The following SCN11A variants were observed in gnomAD, a reference collection of about 807,000 sequenced individuals.
SCN11A encodes sodium voltage-gated channel alpha subunit 11, also known as sodium channel protein type 11 subunit alpha.
A neutral mutation model predicts 162.2 loss-of-function variants in SCN11A; 122 were observed. That is an observed-to-expected ratio of 0.75 (90% CI 0.65 to 0.87). The LOEUF is 0.87. Among genes scored for constraint, SCN11A ranks in the 40% least tolerant of loss-of-function variants. The pLI is 0.00. For missense variants in SCN11A, 2,015 were observed against 2,181.6 expected (o/e 0.92, Z 1.52); for synonymous variants, 758 against 751.5 (o/e 1.01, Z -0.14).
At chr3:38,961,319 T>C (rs1047216185) in intron 2 of SCN11A, among the ~76,000 whole-genome samples, 2 of 152,200 alleles carry the variant, frequency 1.3e-5, no homozygotes, top group African/African-American at 2.4e-5. Flanking sequence ...AAGAAGCAAA[T>C]GTGATAATAG....
At chr3:38,985,910 T>C (rs577148707) in intron 2 of SCN11A, among the ~76,000 whole-genome samples, 1 of 150,986 alleles carries the variant, frequency 6.6e-6, no homozygotes, top group Non-Finnish European at 1.5e-5. Flanking sequence ...TGTTAGCTAG[T>C]TGGTCTTGGT....
intron 7 of SCN11A, among the ~76,000 whole-genome samples, chr3:38,940,505 G>C (rs2066425106): frequency 6.6e-6 from 1 of 152,172 alleles, no homozygotes; most frequent in Non-Finnish European, 1.5e-5. Flanking sequence ...GAAGAGAAAA[G>C]AAAGTCCAGA....
At chr3:38,933,595 G>A (rs1208132571) in intron 7 of SCN11A, among the ~76,000 whole-genome samples, 3 of 152,220 alleles carry the variant, frequency 2.0e-5, no homozygotes, top group Admixed American at 2.0e-4. Context: ...CTCAGGAGCT[G>A]ATGTGATCAA....
At chr3:38,865,787 G>T (rs2065029984) in intron 27 of SCN11A, among the ~76,000 whole-genome samples, 2 of 152,112 alleles carry the variant, frequency 1.3e-5, no homozygotes, top group South Asian at 4.1e-4. Flanking sequence ...TCTTAAAGGA[G>T]AAATACTTGT....
At chr3:38,969,328 T>C (rs2066802888) in intron 2 of SCN11A, among the ~76,000 whole-genome samples, 1 of 152,212 alleles carries the variant, frequency 6.6e-6, no homozygotes, top group Non-Finnish European at 1.5e-5. Flanking sequence ...TTCTTCTTGG[T>C]TTACCCTTAC....
chr3:38,894,559 T>C lies in SCN11A; in HGVS notation c.2809A>G (p.Ile937Val). 2 of 1,611,320 alleles carry C rather than the reference T, an allele frequency of 1.2e-6. No homozygotes were observed. Among genetic ancestry groups the C allele is most frequent in the Non-Finnish European group, 1.7e-6 (2 of 1,178,658 alleles). The change falls in exon 19 of 30, where the codon ATC becomes GTC. Residue 937 changes from isoleucine to valine, a missense_variant. Coordinates refer to ENST00000302328, the MANE Select transcript of SCN11A (RefSeq NM_001349253.2). ...TGTTGTTCAGGCTCAGGTTGTGTGA[T>C]GCGCTGTGCATTATCTTCACCAGAA... ...EFSGEDNAQR[I>V]TQPEPEQQAY...
intron 2 of SCN11A, among the ~76,000 whole-genome samples, chr3:38,965,333 T>C (rs1396208530): frequency 6.6e-6 from 1 of 152,252 alleles, no homozygotes; most frequent in East Asian, 1.9e-4. Context: ...CTCCTCAATC[T>C]TGTATGTCTG....
At chr3:38,858,220 A>G (rs1337194381) in intron 28 of SCN11A, among the ~76,000 whole-genome samples, 1 of 152,190 alleles carries the variant, frequency 6.6e-6, no homozygotes, top group African/African-American at 2.4e-5. Flanking sequence ...TCCATTTAAA[A>G]GACATAGAAT....
Position 38,953,039 on chromosome 3 carries a change from A to G in SCN11A, c.-8+590T>C, listed in dbSNP as rs542695230. 9.5e-5 allele frequency among the ~76,000 whole-genome samples: 14 copies of G among 147,794 alleles called. No individual in the cohort carries two copies. In the South Asian group the frequency reaches 1.7e-3, roughly 18 times the overall value. On this transcript the variant is annotated intron_variant, in intron 4 of 29. Coordinates refer to ENST00000302328, the MANE Select transcript of SCN11A (RefSeq NM_001349253.2). ...GTTGTTACTGCAGAGGCGAAACACT[A>G]TCAGATTTGTTTTTTTTTGTTGTTG...
chr3:38,937,201 C>A (rs2066348838), intron 7 of SCN11A, among the ~76,000 whole-genome samples: 1 of 151,724 alleles, frequency 6.6e-6, no homozygotes, highest in East Asian at 1.9e-4. Flanking sequence ...CCCTTCCTTA[C>A]ACCTTATACA....
chr3:38,910,626 T>C (rs900962767), intron 11 of SCN11A, among the ~76,000 whole-genome samples: 1 of 152,204 alleles, frequency 6.6e-6, no homozygotes, highest in Non-Finnish European at 1.5e-5. Context: ...AATGGGAACA[T>C]GCTTTGCACT....
chr3:38,901,035 T>C (rs1226073621), intron 16 of SCN11A, among the ~76,000 whole-genome samples: 1 of 152,008 alleles, frequency 6.6e-6, no homozygotes, highest in Non-Finnish European at 1.5e-5. Context: ...AAAGCAAGAA[T>C]ACAAAAATAA....
intron 2 of SCN11A, among the ~76,000 whole-genome samples, chr3:38,968,932 A>T (rs188175320): frequency 4.1e-4 from 63 of 152,344 alleles, no homozygotes; most frequent in African/African-American, 1.4e-3. Context: ...TAGTATTTAT[A>T]TATGTGGTCT....
chr3:38,849,100 A>T (rs1182852330), intron 29 of SCN11A, among the ~76,000 whole-genome samples: 1 of 152,182 alleles, frequency 6.6e-6, no homozygotes, highest in Non-Finnish European at 1.5e-5. Flanking sequence ...CAGTTGTTCA[A>T]AGGACAAAAG....
intron 2 of SCN11A, among the ~76,000 whole-genome samples, chr3:39,022,827 C>G (rs574306840): frequency 5.2e-4 from 79 of 151,918 alleles, no homozygotes; most frequent in Non-Finnish European, 9.7e-4. Flanking sequence ...TGCAGTGAGC[C>G]CTGATCATGC....
Position 38,904,025 on chromosome 3 carries a change from G to A in SCN11A, c.1682C>T (p.Pro561Leu). Residue 561 changes from proline (P) to leucine (L), a missense_variant, in exon 16 of 30, where the codon CCC (proline) becomes CTC (leucine). By Grantham distance (98) the Pro-to-Leu change is moderately conservative. Transcript: ENST00000302328. ...GACCTTCTTAACGCACAGCCACTGGGGGCAACAGTTCCACACGAGGTACTT... is the reference window on the plus strand; with the variant it reads ...GACCTTCTTAACGCACAGCCACTGGAGGCAACAGTTCCACACGAGGTACTT... ...ASKYLVWNCCPQWLCVKKVLR... is the reference protein window; with the variant it reads ...ASKYLVWNCCLQWLCVKKVLR... 6.2e-7 allele frequency: 1 copy of A among 1,611,674 alleles called. No homozygotes were observed. The highest frequency in any genetic ancestry group is 8.5e-7 in the Non-Finnish European group (1 of 1,179,374).
intron 2 of SCN11A, among the ~76,000 whole-genome samples, chr3:39,024,806 C>A (rs2031544812): frequency 6.6e-6 from 1 of 152,050 alleles, no homozygotes; most frequent in Non-Finnish European, 1.5e-5. Context: ...TATCCCCAGT[C>A]TATTAGCATT....
intron 2 of SCN11A, among the ~76,000 whole-genome samples, chr3:38,963,931 T>C (rs563188319): frequency 6.6e-5 from 10 of 152,210 alleles, no homozygotes; most frequent in Non-Finnish European, 1.3e-4. Flanking sequence ...TTAAGTCACA[T>C]TCAGACTTCC....
chr3:38,917,221 G>A (rs1313587743), intron 11 of SCN11A, among the ~76,000 whole-genome samples: 1 of 152,240 alleles, frequency 6.6e-6, no homozygotes, highest in Non-Finnish European at 1.5e-5. Flanking sequence ...GTTGGTGGGA[G>A]TGTAAATTAG....
Sources: gnomAD v4.1 joint callset for allele counts (sites outside exome capture counted in the v4.1 genomes callset) on GRCh38, gnomAD v4.1.1 for gene constraint, MANE v1.5 for transcripts, NCBI Gene and HGNC (gene_info 2026-07-23, HGNC 2026-07-21) for gene names.